GLDN: variants seen among roughly 807,000 people sequenced by gnomAD.
GLDN encodes the protein collomin.
GLDN carries 47 observed loss-of-function variants against 56.5 expected under a neutral mutation model. The observed-to-expected ratio is 0.83, with a 90% CI of 0.66 to 1.06. GLDN has a LOEUF of 1.06. Among genes scored for constraint, GLDN ranks in the 50% least tolerant of loss-of-function variants. The pLI is 0.00. For synonymous variants in GLDN, 332 were observed against 278.8 expected, an observed-to-expected ratio of 1.19 and a Z score of -1.90; for missense variants, 782 against 714.3, an observed-to-expected ratio of 1.09 and a Z score of -1.08.
chr15:51,356,116 G>A (rs886563376), intron 1 of GLDN, among the ~76,000 whole-genome samples: 14 of 151,610 alleles, frequency 9.2e-5, no homozygotes, highest in South Asian at 4.2e-4. Flanking sequence ...CTGAGGCAGC[G>A]GACTGTCTTA....
At chr15:51,355,812 C>T (rs184120730) in intron 1 of GLDN, among the ~76,000 whole-genome samples, 58 of 150,686 alleles carry the variant, frequency 3.8e-4, no homozygotes, top group Admixed American at 2.1e-3. Context: ...CGTGAGCCAC[C>T]ACACCCGGCC....
intron 3 of GLDN, 131 bp downstream of exon 3, chr15:51,383,584 GC>G (rs2037817031): frequency 2.6e-6 from 3 of 1,150,790 alleles, no homozygotes; most frequent in Non-Finnish European, 3.9e-6. Flanking sequence ...CCTTCTTTGT[GC>G]CCCTCACCTG....
intron 1 of GLDN, among the ~76,000 whole-genome samples, chr15:51,346,117 C>A (rs2036974131): frequency 6.6e-6 from 1 of 152,110 alleles, no homozygotes; most frequent in South Asian, 2.1e-4. Context: ...AATAAGTTAA[C>A]TGAAAGTTAA....
At chr15:51,357,485 C>T (rs931914475) in intron 1 of GLDN, among the ~76,000 whole-genome samples, 1 of 152,218 alleles carries the variant, frequency 6.6e-6, no homozygotes, top group Non-Finnish European at 1.5e-5. Context: ...ACCTGTCGGC[C>T]ATTTAAAAGT....
intron 2 of GLDN, among the ~76,000 whole-genome samples, chr15:51,382,172 C>T (rs561728074): frequency 3.3e-5 from 5 of 152,274 alleles, no homozygotes; most frequent in South Asian, 4.1e-4. Flanking sequence ...TCTTCAATGT[C>T]GTGGCTCCAG....
chr15:51,401,166 T>A (rs1162362695), intron 8 of GLDN, among the ~76,000 whole-genome samples: 1 of 152,232 alleles, frequency 6.6e-6, no homozygotes, highest in African/African-American at 2.4e-5. Context: ...ATTACCAGGA[T>A]TCGGGGACTC....
At chr15:51,358,028 A>C (rs1416395000) in intron 1 of GLDN, among the ~76,000 whole-genome samples, 6 of 152,086 alleles carry the variant, frequency 3.9e-5, no homozygotes, top group African/African-American at 1.4e-4. Context: ...GGCCTAGGAC[A>C]TTTTTCCTTT....
intron 1 of GLDN, among the ~76,000 whole-genome samples, chr15:51,376,958 TAGA>T (rs1297943111): frequency 1.3e-5 from 2 of 152,192 alleles, no homozygotes; most frequent in African/African-American, 4.8e-5. Context: ...TTCTTCTAAG[TAGA>T]AGGAGTACAG....
At chr15:51,361,277 T>C (rs1363169867) in intron 1 of GLDN, among the ~76,000 whole-genome samples, 1 of 152,234 alleles carries the variant, frequency 6.6e-6, no homozygotes, top group Non-Finnish European at 1.5e-5. Context: ...TGGCCTCTAA[T>C]TTGTCACCTT....
chr15:51,367,039 A>G (rs1421048045), intron 1 of GLDN, among the ~76,000 whole-genome samples: 1 of 152,206 alleles, frequency 6.6e-6, no homozygotes, highest in Non-Finnish European at 1.5e-5. Context: ...TTGGGTAAAT[A>G]CTGTCACCTT....
At chr15:51,394,742 G>A in intron 4 of GLDN, 93 bp from the exon 5 acceptor site, 1 of 1,317,498 alleles carries the variant, frequency 7.6e-7, no homozygotes, top group Non-Finnish European at 1.1e-6. Context: ...ATATAAAACT[G>A]CTTCCCTGGA....
intron 1 of GLDN, among the ~76,000 whole-genome samples, chr15:51,356,650 C>T (rs2168624): frequency 0.16 from 25,021 of 152,106 alleles, 2,575 homozygotes; most frequent in East Asian, 0.49. Flanking sequence ...TCACTTGTGG[C>T]TCCCCATCAG....
intron 2 of GLDN, among the ~76,000 whole-genome samples, chr15:51,379,719 A>G (rs1170201088): frequency 6.6e-6 from 1 of 152,208 alleles, no homozygotes; most frequent in Non-Finnish European, 1.5e-5. Flanking sequence ...GCTCTTATCA[A>G]GCATCCACCC....
At chr15:51,382,346 C>T (rs1396568354) in intron 2 of GLDN, among the ~76,000 whole-genome samples, 1 of 152,118 alleles carries the variant, frequency 6.6e-6, no homozygotes, top group Non-Finnish European at 1.5e-5. Context: ...CAACAGGATA[C>T]AGGCACCAAG....
intron 1 of GLDN, among the ~76,000 whole-genome samples, chr15:51,372,481 G>A (rs1403606246): frequency 1.3e-5 from 2 of 152,096 alleles, no homozygotes; most frequent in South Asian, 2.1e-4. Context: ...GATGCTTACA[G>A]CCAACAGGGC....
Position 51,404,423 on chromosome 15 carries a change from T to C in GLDN, c.1325T>C (p.Val442Ala). ...KGLWIIYASS[V>A]DGSSILVAQL... Reference sequence around the variant, plus strand: ...CTTTGGATTATCTATGCGTCAAGTGTGGACGGCTCGAGCATTCTTGTAGCA... The same window carrying C: ...CTTTGGATTATCTATGCGTCAAGTGCGGACGGCTCGAGCATTCTTGTAGCA... The change falls in exon 10 of 10, where the codon GTG becomes GCG. Residue 442 changes from valine (V) to alanine (A), a missense_variant. Physicochemically the swap from Val to Ala is moderately conservative, Grantham distance 64 (BLOSUM62 0). Coordinates refer to ENST00000335449, the MANE Select transcript of GLDN (RefSeq NM_181789.4). 1 of 1,614,210 alleles carries C rather than the reference T, an allele frequency of 6.2e-7. No homozygotes were observed. The highest frequency in any genetic ancestry group is 8.5e-7 in the Non-Finnish European group (1 of 1,180,040).
chr15:51,409,759 A>G (rs530319682), downstream of GLDN, among the ~76,000 whole-genome samples: 1 of 152,186 alleles, frequency 6.6e-6, no homozygotes, highest in South Asian at 2.1e-4. Context: ...TGACTAATTC[A>G]CCCCACGTGC....
chr15:51,388,637 A>C (rs571652040), intron 4 of GLDN, among the ~76,000 whole-genome samples: 47 of 152,322 alleles, frequency 3.1e-4, no homozygotes, highest in African/African-American at 1.1e-3. Flanking sequence ...GAATGACTGG[A>C]TATAACTTGT....
At chr15:51,409,969 T>A (rs1299496863), downstream of GLDN, among the ~76,000 whole-genome samples, 1 of 152,158 alleles carries the variant, frequency 6.6e-6, no homozygotes, top group Non-Finnish European at 1.5e-5. Context: ...GCAGAGAAGT[T>A]CCATCACTCG....
Sources: allele counts gnomAD v4.1 joint callset (sites outside exome capture counted in the v4.1 genomes callset), GRCh38; gene constraint gnomAD v4.1.1; transcripts MANE v1.5; gene names NCBI Gene and HGNC (gene_info 2026-07-23, HGNC 2026-07-21).